Variants in ZNF451 observed in about 807,000 individuals in gnomAD.
ZNF451 encodes zinc finger protein 451, also known as E3 SUMO-protein ligase ZNF451.
In ZNF451, 80 loss-of-function variants were observed where a neutral mutation model predicts 107.1. The ratio of observed to expected loss-of-function variants is 0.75; its 90% CI spans 0.62 to 0.90. The LOEUF (loss-of-function observed/expected upper bound fraction) is 0.90. Among genes scored for constraint, ZNF451 ranks in the 40% least tolerant of loss-of-function variants. ZNF451 has a pLI of 0.00. For missense variants in ZNF451, 1,107 were observed against 1,236.2 expected (o/e 0.90, Z 1.57); for synonymous variants, 362 against 406.5 (o/e 0.89, Z 1.32).
At chr6:57,118,887 TGTAAAA>T (rs1400340815) in intron 3 of ZNF451, among the ~76,000 whole-genome samples, 1 of 152,130 alleles carries the variant, frequency 6.6e-6, no homozygotes, top group Non-Finnish European at 1.5e-5. Flanking sequence ...CCCTGTAACT[TGTAAAA>T]GGATATTTTG....
chr6:57,157,637 T>A (rs1763490788), intron 13 of ZNF451, among the ~76,000 whole-genome samples: 1 of 152,230 alleles, frequency 6.6e-6, no homozygotes, highest in South Asian at 2.1e-4. Context: ...CTTTAATTTC[T>A]GCCCCCACCT....
intron 14 of ZNF451, among the ~76,000 whole-genome samples, chr6:57,162,123 C>G (rs538312494): frequency 6.6e-6 from 1 of 152,210 alleles, no homozygotes; most frequent in South Asian, 2.1e-4. Flanking sequence ...GCATCTTTGA[C>G]ATTAAAGAAA....
intron 3 of ZNF451, chr6:57,107,543 T>A: frequency 3.0e-6 from 3 of 984,068 alleles, no homozygotes; most frequent in Non-Finnish European, 3.6e-6. Flanking sequence ...TAGTTTATGG[T>A]CATATGTATC....
At chr6:57,094,038 T>G (rs1193779617) in intron 2 of ZNF451, among the ~76,000 whole-genome samples, 1 of 152,248 alleles carries the variant, frequency 6.6e-6, no homozygotes, top group African/African-American at 2.4e-5. Flanking sequence ...GAGAAAACTT[T>G]GGTTGTAGTA....
Position 57,168,782 on chromosome 6 carries a change from C to G in ZNF451, c.*313C>G, listed in dbSNP as rs751501741. Reference sequence around the variant, plus strand: ...GATTAAAAAAAAGGAAAGCTCTTGACAGTTGTTTCCCAAATAGCATTAGTT... The same window carrying G: ...GATTAAAAAAAAGGAAAGCTCTTGAGAGTTGTTTCCCAAATAGCATTAGTT... On this transcript the variant is annotated 3_prime_UTR_variant, in exon 15 of 15. Transcript: ENST00000370706. 1 of 243,168 alleles carries G rather than the reference C, an allele frequency of 4.1e-6. No individual in the cohort carries two copies. Among genetic ancestry groups the G allele is most frequent in the Non-Finnish European group, 7.8e-6 (1 of 128,722 alleles). The allele number at this position is 243,168 out of a possible 1,614,324, so 15.1% of individuals were successfully genotyped here.
intron 7 of ZNF451, among the ~76,000 whole-genome samples, chr6:57,138,440 T>G (rs1831547632): frequency 6.6e-6 from 1 of 151,702 alleles, no homozygotes; most frequent in Admixed American, 6.6e-5. Flanking sequence ...TTTTTTGTAT[T>G]TTTAGTAGAG....
At chr6:57,160,972 T>C in intron 13 of ZNF451, 112 bp from the exon 14 acceptor site, 1 of 576,862 alleles carries the variant, frequency 1.7e-6, no homozygotes, top group South Asian at 4.2e-5. Flanking sequence ...AGTGTAACAC[T>C]AATGAACTGT....
chr6:57,092,689 A>AT (rs1022676140), intron 2 of ZNF451: 17 of 152,118 alleles, frequency 1.1e-4, no homozygotes, highest in African/African-American at 3.1e-4. Flanking sequence ...AAAAAGTTTG[A>AT]TTTTTTCAGA....
At chr6:57,103,681 C>G in intron 3 of ZNF451, 1 of 981,442 alleles carries the variant, frequency 1.0e-6, no homozygotes, top group Non-Finnish European at 1.2e-6. Context: ...TCTGTAACTT[C>G]TGCGTTTTTT....
intron 3 of ZNF451, chr6:57,105,507 G>A (rs1009509197): frequency 1.0e-6 from 1 of 985,016 alleles, no homozygotes; most frequent in South Asian, 4.7e-5. Flanking sequence ...TTGTACAATT[G>A]CACTATCTAA....
At chr6:57,092,961 T>C (rs2127929324) in intron 2 of ZNF451, 1 of 152,322 alleles carries the variant, frequency 6.6e-6, no homozygotes, top group Non-Finnish European at 1.5e-5. Context: ...GTATACTTGT[T>C]GGATAAAGTT....
chr6:57,095,008 G>A (rs1251547689), intron 2 of ZNF451, among the ~76,000 whole-genome samples: 1 of 152,092 alleles, frequency 6.6e-6, no homozygotes, highest in Non-Finnish European at 1.5e-5. Flanking sequence ...CATGGTACAG[G>A]GCTCAATAAA....
chr6:57,111,413 C>T (rs1271260387), intron 3 of ZNF451, among the ~76,000 whole-genome samples: 1 of 150,812 alleles, frequency 6.6e-6, no homozygotes, highest in Non-Finnish European at 1.5e-5. Context: ...CGGAGTCTCA[C>T]TCTGTCGCTG....
chr6:57,140,547 T>C (rs1298064366), intron 7 of ZNF451, among the ~76,000 whole-genome samples: 1 of 152,066 alleles, frequency 6.6e-6, no homozygotes, highest in Non-Finnish European at 1.5e-5. Flanking sequence ...TTCAAATATA[T>C]ATACCCATTA....
chr6:57,095,023 A>G (rs1421678948), intron 2 of ZNF451, among the ~76,000 whole-genome samples: 1 of 152,232 alleles, frequency 6.6e-6, no homozygotes, highest in Non-Finnish European at 1.5e-5. Flanking sequence ...AATAAATGTT[A>G]TTGATTCTTA....
Position 57,150,863 on chromosome 6 carries a change from G to C in ZNF451, c.2752+1G>C. 1 of 1,613,554 alleles carries C rather than the reference G, an allele frequency of 6.2e-7. No individual in the cohort carries two copies. The highest frequency in any genetic ancestry group is 8.5e-7 in the Non-Finnish European group (1 of 1,179,898). On this transcript the variant is annotated splice_donor_variant, in intron 11 of 14. Transcript: ENST00000370706. LOFTEE classifies it high-confidence loss of function. Reference sequence around the variant, plus strand: ...GGAACATTTATTTGGGGCTTTCAAGGTACGGTTAATAAGAAAAACAAAAGA... The same window carrying C: ...GGAACATTTATTTGGGGCTTTCAAGCTACGGTTAATAAGAAAAACAAAAGA...
At chr6:57,133,248 T>G (rs2127966753) in intron 6 of ZNF451, 56 bp downstream of exon 6, 1 of 1,526,732 alleles carries the variant, frequency 6.5e-7, no homozygotes, top group Non-Finnish European at 9.0e-7. Context: ...TACCAAGTGA[T>G]TTCATAAAAT....
intron 3 of ZNF451, chr6:57,103,735 A>G (rs1829715774): frequency 5.1e-6 from 5 of 985,304 alleles, no homozygotes; most frequent in Non-Finnish European, 4.8e-6. Flanking sequence ...CTAATGGAAT[A>G]TGGCACTGTT....
At chr6:57,144,284 A>G (rs1831945238) in intron 9 of ZNF451, among the ~76,000 whole-genome samples, 2 of 129,680 alleles carry the variant, frequency 1.5e-5, no homozygotes, top group South Asian at 4.7e-4. Context: ...TCTGTCACCT[A>G]GGCTGGAGTG....
Sources: allele counts gnomAD v4.1 joint callset (sites outside exome capture counted in the v4.1 genomes callset), GRCh38; gene constraint gnomAD v4.1.1; transcripts MANE v1.5; gene names NCBI Gene and HGNC (gene_info 2026-07-23, HGNC 2026-07-21).